PCA3: variants seen among roughly 807,000 people sequenced by gnomAD.
The protein encoded by PCA3 is Differential Display code 3.
At chr9:76,767,158 A>G (rs1434370787) in intron 2 of PCA3, among the ~76,000 whole-genome samples, 2 of 152,080 alleles carry the variant, frequency 1.3e-5, no homozygotes, top group Non-Finnish European at 2.9e-5. Flanking sequence ...ACCTATTCAA[A>G]ACAGAATCTT....
At position 76,780,457 on chromosome 9, in the gene PCA3, G is replaced by T. The variant is rs2131181491; in HGVS notation, n.853-28126G>T. 2.0e-5 allele frequency among the ~76,000 whole-genome samples: 3 copies of T among 152,240 alleles called. 1 individual carries two copies. The South Asian group carries it at 6.2e-4, about 32-fold the overall frequency. Reference sequence around the variant, plus strand: ...AATCCCAGCACTTTGGGAGGCCGAGGCGGGCGGATCACGAGGCCAGGAGAT... The same window carrying T: ...AATCCCAGCACTTTGGGAGGCCGAGTCGGGCGGATCACGAGGCCAGGAGAT... On this transcript the variant is annotated intron_variant and non_coding_transcript_variant, in intron 2 of 5. Coordinates refer to ENST00000644657, the Ensembl canonical transcript of PCA3.
At chr9:76,774,057 A>C (rs1300175015) in intron 2 of PCA3, among the ~76,000 whole-genome samples, 3 of 152,168 alleles carry the variant, frequency 2.0e-5, no homozygotes, top group Admixed American at 2.0e-4. Flanking sequence ...CATTTCAAAT[A>C]ATAATTAGAT....
At chr9:76,772,765 T>C (rs751297574) in intron 2 of PCA3, among the ~76,000 whole-genome samples, 34 of 152,134 alleles carry the variant, frequency 2.2e-4, no homozygotes, top group Non-Finnish European at 4.4e-4. Context: ...AGCCTCACTA[T>C]GTTGCCCAGG....
At chr9:76,769,511 C>T (rs775926033) in intron 2 of PCA3, among the ~76,000 whole-genome samples, 18 of 152,280 alleles carry the variant, frequency 1.2e-4, no homozygotes, top group Non-Finnish European at 2.1e-4. Flanking sequence ...TCGCAACCTC[C>T]GCCCCCCGGG....
chr9:76,777,849 G>A (rs1311511542), intron 2 of PCA3, among the ~76,000 whole-genome samples: 1 of 152,120 alleles, frequency 6.6e-6, no homozygotes, highest in African/African-American at 2.4e-5. Context: ...TAAGTTCAGG[G>A]GGCTAACTAT....
At chr9:76,785,332 A>G (rs1199025392) in intron 2 of PCA3, 3 of 152,346 alleles carry the variant, frequency 2.0e-5, no homozygotes, top group South Asian at 2.1e-4. Context: ...AAATACTAAA[A>G]GTGTAATTTG....
At chr9:76,779,232 C>CTTTT (rs5898506) in intron 2 of PCA3, among the ~76,000 whole-genome samples, 17 of 144,852 alleles carry the variant, frequency 1.2e-4, no homozygotes, top group African/African-American at 2.5e-4. Context: ...AAAACTTAGA[C>CTTTT]TTTTTTTTTT....
chr9:76,782,658 A>G (rs1204420079), intron 2 of PCA3: 1 of 152,218 alleles, frequency 6.6e-6, no homozygotes, highest in African/African-American at 2.4e-5. Context: ...ATACTGTTCT[A>G]TGTCCTAAGG....
chr9:76,765,268 G>A (rs1184990748), intron 2 of PCA3, among the ~76,000 whole-genome samples: 1 of 152,144 alleles, frequency 6.6e-6, no homozygotes, highest in Non-Finnish European at 1.5e-5. Flanking sequence ...CAGGTGGGGG[G>A]CATTTGGAAG....
chr9:76,768,382 G>A (rs1410292985), intron 2 of PCA3, among the ~76,000 whole-genome samples: 2 of 151,838 alleles, frequency 1.3e-5, no homozygotes, highest in Non-Finnish European at 1.5e-5. Flanking sequence ...TAGTAGTGAC[G>A]GGGGTTCACC....
chr9:76,772,477 A>T (rs1274297353), intron 2 of PCA3, among the ~76,000 whole-genome samples: 3 of 152,192 alleles, frequency 2.0e-5, no homozygotes, highest in African/African-American at 7.2e-5. Context: ...GCAAACTCTT[A>T]AAGGAAACCA....
At chr9:76,767,429 C>A (rs1189435130) in intron 2 of PCA3, among the ~76,000 whole-genome samples, 8 of 142,388 alleles carry the variant, frequency 5.6e-5, no homozygotes, top group Non-Finnish European at 9.0e-5. Context: ...CCAGCCTGGG[C>A]AAAAAGAGCA....
intron 2 of PCA3, among the ~76,000 whole-genome samples, chr9:76,783,348 GC>G (rs2054627920): frequency 6.6e-6 from 1 of 152,064 alleles, no homozygotes; most frequent in African/African-American, 2.4e-5. Flanking sequence ...TATTGGCCAG[GC>G]TGGTCTTGAA....
At chr9:76,774,463 T>TATTTATTTATTTATTTA (rs1487883612) in intron 2 of PCA3, among the ~76,000 whole-genome samples, 1 of 141,174 alleles carries the variant, frequency 7.1e-6, no homozygotes, top group African/African-American at 2.6e-5. Context: ...TTTTTTTTTT[T>TATTTATTTATTTATTTA]TTTTTTTTTT....
intron 2 of PCA3, among the ~76,000 whole-genome samples, chr9:76,781,486 T>G (rs573026177): frequency 6.6e-6 from 1 of 152,342 alleles, no homozygotes; most frequent in Non-Finnish European, 1.5e-5. Context: ...CCCCTAGTCC[T>G]TTCCTGGCCT....
chr9:76,774,465 T>A (rs142173156), intron 2 of PCA3, among the ~76,000 whole-genome samples: 6,850 of 136,782 alleles, frequency 0.05, 352 homozygotes, highest in East Asian at 0.081. Context: ...TTTTTTTTTT[T>A]TTTTTTTTTT....
At chr9:76,780,448 G>A (rs2131181092) in intron 2 of PCA3, among the ~76,000 whole-genome samples, 1 of 152,278 alleles carries the variant, frequency 6.6e-6, no homozygotes, top group African/African-American at 2.4e-5. Flanking sequence ...AGCACTTTGG[G>A]AGGCCGAGGC....
At chr9:76,772,833 C>T (rs944197100) in intron 2 of PCA3, among the ~76,000 whole-genome samples, 1 of 152,050 alleles carries the variant, frequency 6.6e-6, no homozygotes, top group African/African-American at 2.4e-5. Flanking sequence ...CACAGTGCTG[C>T]GATTAACAGG....
rs1554761633 is a variant in PCA3, at chr9:76,774,456, T to TTATTTATTTATTTATTTATTTA, written n.853-34126_853-34125insATTTATTTATTTATTTATTTAT. Reference sequence around the variant, plus strand: ...CCTGGCCTCCAGTTCAACCCTTTTTTTTTTTTTTTTTTTTTTTTTTTGAGA... The same window carrying TTATTTATTTATTTATTTATTTA: ...CCTGGCCTCCAGTTCAACCCTTTTTTTATTTATTTATTTATTTATTTATTTTTTTTTTTTTTTTTTTTTGAGA... On this transcript the variant is annotated intron_variant and non_coding_transcript_variant, in intron 2 of 5. Transcript: ENST00000644657. Among the ~76,000 whole-genome samples, 436 of 133,888 alleles carry TTATTTATTTATTTATTTATTTA rather than the reference T, an allele frequency of 3.3e-3. 5 individuals are homozygous for TTATTTATTTATTTATTTATTTA. The highest frequency in any genetic ancestry group is 9.0e-3 in the East Asian group (42 of 4,692). The allele number at this position is 133,888 out of a possible 152,430, so 87.8% of individuals were successfully genotyped here. A position where few individuals can be genotyped will look rare whatever the true frequency, so the allele number is the denominator to read the frequency against.
Sources: allele counts gnomAD v4.1 joint callset (sites outside exome capture counted in the v4.1 genomes callset), GRCh38; gene constraint gnomAD v4.1.1; transcripts MANE v1.5; gene names NCBI Gene and HGNC (gene_info 2026-07-23, HGNC 2026-07-21).